Variants in LMBR1 observed in about 807,000 individuals in gnomAD.
LMBR1 encodes the protein limb region 1 protein homolog.
Under a neutral mutation model 73.9 loss-of-function variants are expected in LMBR1, and 52 were observed. The observed-to-expected ratio is 0.70, with a 90% CI of 0.56 to 0.89. LMBR1 has a LOEUF of 0.89. Among genes scored for constraint, LMBR1 ranks in the 40% least tolerant of loss-of-function variants. LMBR1 has a pLI of 0.00. For missense variants in LMBR1, 539 were observed against 579.8 expected (o/e 0.93, Z 0.72); for synonymous variants, 215 against 209.4 (o/e 1.03, Z -0.23).
chr7:156,815,030 C>G (rs1833680414), intron 4 of LMBR1, among the ~76,000 whole-genome samples: 1 of 151,792 alleles, frequency 6.6e-6, no homozygotes, highest in African/African-American at 2.4e-5. Context: ...GTGGCACACG[C>G]CTATAATCCC....
intron 15 of LMBR1, among the ~76,000 whole-genome samples, chr7:156,702,514 G>C (rs1212162943): frequency 6.7e-6 from 1 of 149,716 alleles, no homozygotes. Flanking sequence ...TGTAGATTCT[G>C]GATATTAGAC....
intron 15 of LMBR1, among the ~76,000 whole-genome samples, chr7:156,693,729 T>C (rs746200093): frequency 6.6e-6 from 1 of 152,202 alleles, no homozygotes; most frequent in Non-Finnish European, 1.5e-5. Flanking sequence ...AAAACTAATA[T>C]GAACTCTTCA....
chr7:156,799,281 C>T (rs538262526), intron 4 of LMBR1, among the ~76,000 whole-genome samples: 26 of 152,182 alleles, frequency 1.7e-4, no homozygotes, highest in African/African-American at 5.3e-4. Flanking sequence ...TTGCAGATAC[C>T]GTGTGACGGT....
intron 15 of LMBR1, among the ~76,000 whole-genome samples, chr7:156,709,087 G>A (rs1023210253): frequency 3.9e-5 from 6 of 152,110 alleles, no homozygotes; most frequent in African/African-American, 1.4e-4. Context: ...ACCTACCCTG[G>A]CAGCTGAACA....
At position 156,680,399 on chromosome 7, in the gene LMBR1, A is replaced by AGT. The variant is rs1331225134; in HGVS notation, c.*3678_*3679insAC. On this transcript the variant is annotated 3_prime_UTR_variant, in exon 17 of 17. Transcript: ENST00000353442. ...GACAGAGAGAGAGAGAGAGAGAGAGAGAGAGTGTGTGTGTGTGTGTGTGTG... is the reference window on the plus strand; with the variant it reads ...GACAGAGAGAGAGAGAGAGAGAGAGAGTGAGAGTGTGTGTGTGTGTGTGTGTG... 1 of 136,566 alleles carries AGT rather than the reference A, an allele frequency of 7.3e-6. No individual in the cohort carries two copies. Among genetic ancestry groups the AGT allele is most frequent in the South Asian group, 2.4e-4 (1 of 4,134 alleles). 8.5% of individuals were successfully genotyped at this position (136,566 alleles called of 1,614,324 possible). A position where few individuals can be genotyped will look rare whatever the true frequency, so the allele number is the denominator to read the frequency against.
intron 5 of LMBR1, among the ~76,000 whole-genome samples, chr7:156,790,045 A>G (rs1052695270): frequency 6.6e-6 from 1 of 152,092 alleles, no homozygotes; most frequent in Non-Finnish European, 1.5e-5. Flanking sequence ...TAATTTAATC[A>G]TCATATAAAA....
chr7:156,773,472 A>C (rs1045176628), intron 5 of LMBR1, among the ~76,000 whole-genome samples: 1 of 152,230 alleles, frequency 6.6e-6, no homozygotes, highest in East Asian at 1.9e-4. Context: ...CCAAACGAGC[A>C]TGGTACTGGT....
At chr7:156,719,762 A>T (rs1320535001) in intron 15 of LMBR1, among the ~76,000 whole-genome samples, 1 of 152,198 alleles carries the variant, frequency 6.6e-6, no homozygotes, top group African/African-American at 2.4e-5. Context: ...AGAGATATAG[A>T]TCAATGGAAT....
chr7:156,680,395 A>AGTGTGTGTGT lies in LMBR1; in HGVS notation c.*3682_*3683insACACACACAC, dbSNP rs1194019914. 7.2e-6 allele frequency: 1 copy of AGTGTGTGTGT among 138,086 alleles called. No homozygotes were observed. The highest frequency in any genetic ancestry group is 2.9e-5 in the African/African-American group (1 of 34,294). The allele number at this position is 138,086 out of a possible 1,614,324, so 8.6% of individuals were successfully genotyped here. ...GAGAGACAGAGAGAGAGAGAGAGAG[A>AGTGTGTGTGT]GAGAGAGAGTGTGTGTGTGTGTGTG... On this transcript the variant is annotated 3_prime_UTR_variant, in exon 17 of 17. Coordinates refer to ENST00000353442, the MANE Select transcript of LMBR1 (RefSeq NM_022458.4).
chr7:156,672,657 T>C (rs779743813), intron 4 of LMBR1, among the ~76,000 whole-genome samples: 15 of 152,228 alleles, frequency 9.9e-5, no homozygotes, highest in Non-Finnish European at 2.1e-4. Context: ...GAGAGAGCGA[T>C]ACACTCACGT....
At chr7:156,856,908 T>C (rs1045753071) in intron 1 of LMBR1, among the ~76,000 whole-genome samples, 10 of 152,192 alleles carry the variant, frequency 6.6e-5, no homozygotes, top group Non-Finnish European at 1.5e-4. Flanking sequence ...TCTCATAATG[T>C]ACCTGCACTA....
chr7:156,842,727 A>C lies in LMBR1; in HGVS notation c.67-5842T>G, dbSNP rs561830991. ...GCAAATATAATAGAAATAAGAGTCAAGGTAAGATTAAATGGCCTTTAAAGT... is the reference window on the plus strand; with the variant it reads ...GCAAATATAATAGAAATAAGAGTCACGGTAAGATTAAATGGCCTTTAAAGT... On this transcript the variant is annotated intron_variant, in intron 1 of 16. Coordinates refer to ENST00000353442, the MANE Select transcript of LMBR1 (RefSeq NM_022458.4). Among the ~76,000 whole-genome samples the C allele has an allele frequency of 2.6e-5, 4 of 152,306 alleles. No individual in the cohort carries two copies. In the South Asian group the frequency reaches 8.3e-4, roughly 32 times the overall value.
At chr7:156,688,515 G>A (rs1193966530) in intron 15 of LMBR1, among the ~76,000 whole-genome samples, 1 of 152,004 alleles carries the variant, frequency 6.6e-6, no homozygotes, top group African/African-American at 2.4e-5. Flanking sequence ...TGGGGAGGAT[G>A]GCTGACTGCA....
intron 1 of LMBR1, among the ~76,000 whole-genome samples, chr7:156,844,658 G>C (rs1482610409): frequency 6.6e-6 from 1 of 151,006 alleles, no homozygotes; most frequent in Non-Finnish European, 1.5e-5. Context: ...GGCATCTTGT[G>C]ATACTGTGAA....
At chr7:156,862,196 A>G (rs1184549929) in intron 1 of LMBR1, among the ~76,000 whole-genome samples, 1 of 152,230 alleles carries the variant, frequency 6.6e-6, no homozygotes, top group African/African-American at 2.4e-5. Context: ...GTGGACAGCA[A>G]GAAGGAGCAA....
chr7:156,729,039 T>C (rs981602702), intron 10 of LMBR1, among the ~76,000 whole-genome samples: 4 of 152,060 alleles, frequency 2.6e-5, no homozygotes, highest in Non-Finnish European at 4.4e-5. Flanking sequence ...AGACAGGTTC[T>C]TGCTATGTTG....
intron 5 of LMBR1, among the ~76,000 whole-genome samples, chr7:156,771,614 G>A (rs1464099497): frequency 1.3e-5 from 2 of 152,070 alleles, no homozygotes; most frequent in African/African-American, 2.4e-5. Context: ...ACTAGAAAAC[G>A]CTCAGGATCA....
chr7:156,773,913 CAACA>C (rs1489368955), intron 5 of LMBR1, among the ~76,000 whole-genome samples: 1 of 151,858 alleles, frequency 6.6e-6, no homozygotes, highest in African/African-American at 2.4e-5. Flanking sequence ...ACAAACAAAC[CAACA>C]GAGTAAACAA....
intron 1 of LMBR1, among the ~76,000 whole-genome samples, chr7:156,880,909 T>C (rs975409945): frequency 6.6e-5 from 10 of 152,270 alleles, no homozygotes; most frequent in Non-Finnish European, 1.5e-4. Context: ...CGCCTCGGCT[T>C]CCCAAAGTGC....
Sources: gnomAD v4.1 joint callset for allele counts (sites outside exome capture counted in the v4.1 genomes callset) on GRCh38, gnomAD v4.1.1 for gene constraint, MANE v1.5 for transcripts, NCBI Gene and HGNC (gene_info 2026-07-23, HGNC 2026-07-21) for gene names.